TPRG1: variants seen among roughly 807,000 people sequenced by gnomAD.
The protein encoded by TPRG1 is tumor protein p63 regulated 1, also known as tumor protein p63-regulated gene 1 protein.
TPRG1 carries 29 observed loss-of-function variants against 29.3 expected under a neutral mutation model. The ratio of observed to expected loss-of-function variants is 0.99; its 90% CI spans 0.74 to 1.35. The LOEUF (loss-of-function observed/expected upper bound fraction) is 1.35, where lower values mean the gene tolerates loss of function less well. Among genes scored for constraint, TPRG1 ranks in the 40% most tolerant of loss-of-function variants. The pLI is 0.00. For missense variants in TPRG1, 327 were observed against 335.0 expected (o/e 0.98, Z 0.19); for synonymous variants, 130 against 116.8 (o/e 1.11, Z -0.73).
At chr3:189,296,117 T>G (rs182923039) in intron 4 of TPRG1, among the ~76,000 whole-genome samples, 1 of 152,212 alleles carries the variant, frequency 6.6e-6, no homozygotes. Flanking sequence ...CAATTTATTT[T>G]GCTTTTGCCT....
At chr3:189,151,945 G>A (rs1042093238) in intron 5 of TPRG1, among the ~76,000 whole-genome samples, 6 of 152,082 alleles carry the variant, frequency 3.9e-5, no homozygotes, top group African/African-American at 1.4e-4. Flanking sequence ...TTACTTTAAG[G>A]ACACACTTGT....
At chr3:189,221,384 C>A (rs888172357) in intron 3 of TPRG1, among the ~76,000 whole-genome samples, 1 of 152,148 alleles carries the variant, frequency 6.6e-6, no homozygotes, top group South Asian at 2.1e-4. Context: ...GCCATAATAG[C>A]CCTTCCACTG....
chr3:189,104,091 A>T (rs1227175177), intron 1 of TPRG1, among the ~76,000 whole-genome samples: 1 of 152,168 alleles, frequency 6.6e-6, no homozygotes, highest in Non-Finnish European at 1.5e-5. Flanking sequence ...CTGTTCCCAG[A>T]ATAAGGGAGA....
intron 4 of TPRG1, among the ~76,000 whole-genome samples, chr3:189,242,175 G>A (rs182691968): frequency 8.6e-5 from 13 of 152,022 alleles, no homozygotes; most frequent in Admixed American, 7.2e-4. Flanking sequence ...TAGATTTCTC[G>A]ATATCATATA....
chr3:189,088,046 A>C (rs142455924), intron 4 of TPRG1, among the ~76,000 whole-genome samples: 105 of 152,314 alleles, frequency 6.9e-4, no homozygotes, highest in African/African-American at 2.5e-3. Flanking sequence ...GAAGAAAGTC[A>C]TTGGTAGCTT....
chr3:189,144,165 G>C (rs1016884286), intron 3 of TPRG1, among the ~76,000 whole-genome samples: 1 of 152,072 alleles, frequency 6.6e-6, no homozygotes, highest in South Asian at 2.1e-4. Context: ...AATACTTCTT[G>C]AGCCCTTGCT....
intron 4 of TPRG1, among the ~76,000 whole-genome samples, chr3:189,295,820 G>A (rs1314835872): frequency 6.0e-5 from 9 of 150,592 alleles, no homozygotes; most frequent in Non-Finnish European, 7.4e-5. Context: ...AATGCAAATA[G>A]AATTAATTAG....
intron 4 of TPRG1, among the ~76,000 whole-genome samples, chr3:189,088,989 T>A (rs926525682): frequency 4.8e-5 from 7 of 146,990 alleles, no homozygotes; most frequent in African/African-American, 1.9e-4. Flanking sequence ...TCTATCTATC[T>A]ATCTATCTAT....
chr3:189,076,998 T>C (rs979549705), intron 4 of TPRG1, among the ~76,000 whole-genome samples: 7 of 151,114 alleles, frequency 4.6e-5, no homozygotes, highest in Non-Finnish European at 1.0e-4. Context: ...ATAAGATAAA[T>C]TGTAAATGGC....
intron 4 of TPRG1, among the ~76,000 whole-genome samples, chr3:189,033,056 A>T (rs547490231): frequency 6.6e-6 from 1 of 152,234 alleles, no homozygotes; most frequent in South Asian, 2.1e-4. Context: ...AAAGAAAGAT[A>T]ATGTCTCTTT....
At chr3:189,016,676 T>G (rs1712951648) in intron 3 of TPRG1, among the ~76,000 whole-genome samples, 1 of 152,058 alleles carries the variant, frequency 6.6e-6, no homozygotes, top group African/African-American at 2.4e-5. Context: ...TATCTTGCTA[T>G]TCTTGTAATA....
At chr3:189,054,814 T>C (rs1715554944) in intron 4 of TPRG1, among the ~76,000 whole-genome samples, 1 of 151,992 alleles carries the variant, frequency 6.6e-6, no homozygotes, top group Non-Finnish European at 1.5e-5. Flanking sequence ...TATATAACCA[T>C]AACAGATAGG....
chr3:189,207,342 T>C, intron 1 of TPRG1, 34 bp from the exon 2 acceptor site: 1 of 1,611,268 alleles, frequency 6.2e-7, no homozygotes, highest in Non-Finnish European at 8.5e-7. Flanking sequence ...AGAGGTAACA[T>C]TTTTTCAATG....
At chr3:189,138,334 A>G (rs1724045651) in intron 3 of TPRG1, among the ~76,000 whole-genome samples, 1 of 152,212 alleles carries the variant, frequency 6.6e-6, no homozygotes, top group African/African-American at 2.4e-5. Context: ...CATTTTGTGT[A>G]ATGAGATAAA....
At chr3:189,194,921 C>G (rs730615) in intron 1 of TPRG1, among the ~76,000 whole-genome samples, 10,635 of 152,152 alleles carry the variant, frequency 0.07, 490 homozygotes, top group Middle Eastern at 0.13. Flanking sequence ...AGGGGTGTCT[C>G]AGCAGCTAAG....
chr3:189,138,302 G>C (rs1724038983), intron 3 of TPRG1, among the ~76,000 whole-genome samples: 1 of 152,178 alleles, frequency 6.6e-6, no homozygotes, highest in Admixed American at 6.5e-5. Flanking sequence ...AGGAGACACT[G>C]GTTGTTTTTC....
At chr3:189,257,329 G>A (rs1457421750) in intron 4 of TPRG1, among the ~76,000 whole-genome samples, 4 of 152,102 alleles carry the variant, frequency 2.6e-5, no homozygotes, top group South Asian at 4.1e-4. Context: ...GTTGAATGTT[G>A]GTCCCCACTC....
chr3:189,202,962 A>G (rs934811210), intron 1 of TPRG1, among the ~76,000 whole-genome samples: 2 of 152,220 alleles, frequency 1.3e-5, no homozygotes. Flanking sequence ...AGGAAAGAAC[A>G]GCGAACTGGA....
chr3:189,107,525 G>A (rs796400672), intron 1 of TPRG1, among the ~76,000 whole-genome samples: 6 of 152,134 alleles, frequency 3.9e-5, no homozygotes, highest in African/African-American at 9.6e-5. Context: ...GGACAAAAAA[G>A]CAATACAGCA....
Sources: gnomAD v4.1 joint callset for allele counts (sites outside exome capture counted in the v4.1 genomes callset) on GRCh38, gnomAD v4.1.1 for gene constraint, MANE v1.5 for transcripts, NCBI Gene and HGNC (gene_info 2026-07-23, HGNC 2026-07-21) for gene names.